XRCC3: variants seen among roughly 807,000 people sequenced by gnomAD.
The protein encoded by XRCC3 is DNA repair protein XRCC3.
In XRCC3, 34 loss-of-function variants were observed where a neutral mutation model predicts 29.2. That is an observed-to-expected ratio of 1.16 (90% confidence interval 0.88 to 1.55). The LOEUF (loss-of-function observed/expected upper bound fraction) is 1.55, where lower values mean the gene tolerates loss of function less well. Ranked by LOEUF, XRCC3 falls within the 40% of genes most tolerant of loss-of-function variation. The pLI, the probability that XRCC3 is intolerant of heterozygous loss-of-function variation, is 0.00. For synonymous variants in XRCC3, 223 were observed against 211.3 expected (o/e 1.06, Z -0.48); for missense variants, 463 against 467.6 (o/e 0.99, Z 0.09).
chr14:103,714,466 G>GAAA (rs551539800), intron 1 of XRCC3, among the ~76,000 whole-genome samples: 16 of 97,878 alleles, frequency 1.6e-4, no homozygotes, highest in African/African-American at 5.6e-4. Flanking sequence ...ACTCTCTACC[G>GAAA]AAAAAAAAAA....
At chr14:103,705,421 A>G (rs3212068) in intron 6 of XRCC3, 8,047 of 152,428 alleles carry the variant, frequency 0.053, 242 homozygotes, top group South Asian at 0.091. Context: ...GGCTGTGGAC[A>G]GCCCAGCGGT....
At chr14:103,703,624 T>C (rs1347505548) in intron 6 of XRCC3, 1 of 445,296 alleles carries the variant, frequency 2.2e-6, no homozygotes, top group Non-Finnish European at 4.2e-6. Flanking sequence ...GGGAGGCCTC[T>C]CCTGCTCCAC....
intron 4 of XRCC3, chr14:103,708,873 G>C (rs554814824): frequency 5.0e-6 from 3 of 599,740 alleles, no homozygotes; most frequent in Non-Finnish European, 9.0e-6. Flanking sequence ...TGGACACTGC[G>C]CCCTGAGTCC....
chr14:103,706,808 G>A (rs2083451814), intron 6 of XRCC3, 195 bp downstream of exon 6: 2 of 697,754 alleles, frequency 2.9e-6, no homozygotes, highest in African/African-American at 1.8e-5. Flanking sequence ...CACCCCTCCT[G>A]CTGTCAGCTG....
chr14:103,705,359 GT>G (rs147092022), intron 6 of XRCC3: 2,651 of 152,698 alleles, frequency 0.017, 69 homozygotes, highest in African/African-American at 0.056. Flanking sequence ...TTGGGGTGAC[GT>G]TATGTAGGGG....
chr14:103,707,386 G>A (rs759426204), intron 5 of XRCC3, 171 bp from the exon 6 acceptor site: 5 of 788,076 alleles, frequency 6.3e-6, no homozygotes, highest in African/African-American at 3.4e-5. Flanking sequence ...GGGCCCAGCC[G>A]GGAAGGGCGG....
rs1250428018 is a variant in XRCC3 at position 103,707,189 on chromosome 14, G to A, written c.220C>T (p.Arg74Trp). Reference sequence around the variant, plus strand: ...AGGCGCTGGTGCTGCGTGGGGAACCGCTCCTTCTGCTGGTGCAGCTGCAGT... The same window carrying A: ...AGGCGCTGGTGCTGCGTGGGGAACCACTCCTTCTGCTGGTGCAGCTGCAGT... ...TALQLHQQKE[R>W]FPTQHQRLSL... The change falls in exon 6 of 10, where the codon CGG (arginine) becomes TGG (tryptophan). Residue 74 changes from arginine to tryptophan, a missense_variant. By Grantham distance (101) the Arg-to-Trp change is moderately radical. Transcript: ENST00000555055. 2.6e-6 allele frequency: 4 copies of A among 1,548,868 alleles called. No individual in the cohort carries two copies. The highest frequency in any genetic ancestry group is 3.9e-5 in the Admixed American group (2 of 50,986).
At chr14:103,714,769 TC>T (rs1043525756) in intron 1 of XRCC3, among the ~76,000 whole-genome samples, 3 of 152,160 alleles carry the variant, frequency 2.0e-5, no homozygotes, top group African/African-American at 7.2e-5. Flanking sequence ...AACCTCCGCC[TC>T]CCGGGTCCTG....
In XRCC3 at chr14:103,711,364, T is replaced by A. The variant is rs746619890; in HGVS notation, c.-159+102A>T. The A allele has an allele frequency of 1.9e-4, 120 of 641,248 alleles. 1 individual carries two copies. The highest frequency in any genetic ancestry group is 9.8e-4 in the Admixed American group (47 of 47,992). 39.7% of individuals were successfully genotyped at this position (641,248 alleles called of 1,614,324 possible). A position where few individuals can be genotyped will look rare whatever the true frequency, so the allele number is the denominator to read the frequency against. On this transcript the variant is annotated intron_variant, in intron 3 of 9. Coordinates refer to ENST00000555055, the MANE Select transcript of XRCC3 (RefSeq NM_005432.4). ...GCTTAGAACCCATTCCAGACACTGA[T>A]GCATTTGAAAAACCCCCCAAACCCA...
rs1014084666 is a variant in XRCC3, at chr14:103,707,123, C to T, written c.286G>A (p.Gly96Ser). 6 of 1,550,006 alleles carry T rather than the reference C, an allele frequency of 3.9e-6. No homozygotes were observed. The highest frequency in any genetic ancestry group is 5.2e-6 in the Non-Finnish European group (6 of 1,147,012). ...CPVLDALLRGGLPLDGITELA... is the reference protein window; with the variant it reads ...CPVLDALLRGSLPLDGITELA... ...TCAGTGATGCCGTCCAGGGGCAGGC[C>T]ACCGCGGAGCAGCGCGTCCAGCACC... The change falls in exon 6 of 10, where the codon GGC becomes AGC. Residue 96 changes from glycine (G) to serine (S), a missense_variant. Gly to Ser is a moderately conservative substitution (Grantham distance 56, BLOSUM62 0). Coordinates refer to ENST00000555055, the MANE Select transcript of XRCC3 (RefSeq NM_005432.4).
At chr14:103,700,005 A>C (rs1595633314) in intron 7 of XRCC3, 1 of 275,506 alleles carries the variant, frequency 3.6e-6, no homozygotes, top group Non-Finnish European at 7.2e-6. Context: ...GACCACCCAA[A>C]CCTGGCCACA....
intron 8 of XRCC3, 50 bp from the exon 9 acceptor site, chr14:103,699,229 T>C (rs1170012054): frequency 1.3e-6 from 2 of 1,543,238 alleles, no homozygotes; most frequent in Non-Finnish European, 1.7e-6. Context: ...GTCTTCTCGA[T>C]GGTTAGGCAC....
At chr14:103,709,653 G>A (rs1257456152) in intron 4 of XRCC3, 1 of 152,294 alleles carries the variant, frequency 6.6e-6, no homozygotes, top group Admixed American at 6.5e-5. Flanking sequence ...GGCTGCTCCA[G>A]AAGGCTCTGT....
rs71126055 is a variant in XRCC3 at position 103,710,853 on chromosome 14, AACACACACACACAC to A, written c.55+166_55+179del. ...ACTGAAAGAAATCCATGTAGTTAAG[AACACACACACACAC>A]ACACACACACACACACCTGAAAATC... On this transcript the variant is annotated intron_variant, in intron 4 of 9. Coordinates refer to ENST00000555055, the MANE Select transcript of XRCC3 (RefSeq NM_005432.4). 1.2e-5 allele frequency: 7 copies of A among 563,362 alleles called. 1 individual carries two copies. Among genetic ancestry groups the A allele is most frequent in the Admixed American group, 6.3e-5 (2 of 31,870 alleles). 34.9% of individuals were successfully genotyped at this position (563,362 alleles called of 1,614,324 possible).
rs774682377 is a variant in XRCC3 at position 103,703,193 on chromosome 14, TGAA to T, written c.538_540del (p.Phe180del). The T allele has an allele frequency of 5.7e-6, 9 of 1,572,662 alleles. No homozygotes were observed. The African/African-American group carries it at 8.1e-5, about 14-fold the overall frequency. On this transcript the variant is annotated inframe_deletion, in exon 7 of 10. Transcript: ENST00000555055. Reference sequence around the variant, plus strand: ...CTCACCACATCGGCCACGTGCTCGATGAAGATCTGGCTGCCAAATCGGAGCTTC... The same window carrying T: ...CTCACCACATCGGCCACGTGCTCGATGATCTGGCTGCCAAATCGGAGCTTC...
intron 5 of XRCC3, 147 bp from the exon 6 acceptor site, chr14:103,707,362 G>A: frequency 1.0e-6 from 1 of 1,001,066 alleles, no homozygotes; most frequent in Non-Finnish European, 1.5e-6. Context: ...GCAAGGTGCT[G>A]AGGGCAGGGA....
Position 103,699,389 on chromosome 14 carries a change from T to C in XRCC3, c.749A>G (p.Gln250Arg). The C allele has an allele frequency of 6.2e-7, 1 of 1,611,026 alleles. No homozygotes were observed. ...CTGGTTGATGCACAGCACAGGGCTCTGGAAGGCACTGCTCAGCTCACGCAG... is the reference window on the plus strand; with the variant it reads ...CTGGTTGATGCACAGCACAGGGCTCCGGAAGGCACTGCTCAGCTCACGCAG... The part of the protein sequence containing the change: ...ATLRELSSAF[Q>R]SPVLCINQVT... The change falls in exon 8 of 10, where the codon CAG becomes CGG. Residue 250 changes from glutamine (Q) to arginine (R), a missense_variant. Transcript: ENST00000555055.
rs569573289 is a variant in XRCC3 at position 103,703,956 on chromosome 14, A to G, written c.407-629T>C. ...GGTACTTCCTTAAAAAGTTAAACAAATCACATGACTCAGCAGCCCCACTCC... is the reference window on the plus strand; with the variant it reads ...GGTACTTCCTTAAAAAGTTAAACAAGTCACATGACTCAGCAGCCCCACTCC... On this transcript the variant is annotated intron_variant, in intron 6 of 9. Transcript: ENST00000555055. The G allele has an allele frequency of 1.2e-4, 19 of 161,096 alleles. No homozygotes were observed. The East Asian group carries it at 1.6e-3, about 14-fold the overall frequency. 10.0% of individuals were successfully genotyped at this position (161,096 alleles called of 1,614,324 possible). A position where few individuals can be genotyped will look rare whatever the true frequency, so the allele number is the denominator to read the frequency against.
rs1308977456 is a variant in XRCC3 at position 103,698,643 on chromosome 14, C to T, written c.*155G>A. On this transcript the variant is annotated 3_prime_UTR_variant, in exon 10 of 10. Transcript: ENST00000555055. ...TCAGATGGGGGTCAGTCTGTGGCCA[C>T]CATCTTCGGATGAGAAAGTGGAGCC... 5.6e-6 allele frequency: 4 copies of T among 719,158 alleles called. No homozygotes were observed. Among genetic ancestry groups the T allele is most frequent in the South Asian group, 1.7e-5 (1 of 59,396 alleles). The allele number at this position is 719,158 out of a possible 1,614,324, so 44.5% of individuals were successfully genotyped here.
Sources: gnomAD v4.1 joint callset for allele counts (sites outside exome capture counted in the v4.1 genomes callset) on GRCh38, gnomAD v4.1.1 for gene constraint, MANE v1.5 for transcripts, NCBI Gene and HGNC (gene_info 2026-07-23, HGNC 2026-07-21) for gene names.